The following SEMA3B variants were observed in gnomAD, a reference collection of about 807,000 sequenced individuals.
The protein encoded by SEMA3B is semaphorin-3B.
SEMA3B carries 71 observed loss-of-function variants against 77.8 expected under a neutral mutation model. The ratio of observed to expected loss-of-function variants is 0.91; its 90% CI spans 0.75 to 1.11. The LOEUF (loss-of-function observed/expected upper bound fraction) is 1.11. Among genes scored for constraint, SEMA3B ranks in the 50% most tolerant of loss-of-function variants. SEMA3B has a pLI of 0.00. For missense variants in SEMA3B, 968 were observed against 1,056.8 expected, an observed-to-expected ratio of 0.92 and a Z score of 1.17; for synonymous variants, 470 against 452.9, an observed-to-expected ratio of 1.04 and a Z score of -0.48.
In SEMA3B at chr3:50,276,591, C is replaced by T. The variant is rs1330906654; in HGVS notation, c.2135C>T (p.Pro712Leu). The T allele has an allele frequency of 2.0e-5, 32 of 1,568,760 alleles. No individual in the cohort carries two copies. The highest frequency in any genetic ancestry group is 2.5e-5 in the Non-Finnish European group (29 of 1,163,518). The change falls in exon 17 of 17, where the codon CCG (proline) becomes CTG (leucine). Residue 712 changes from proline to leucine, a missense_variant. Transcript: ENST00000616701. The surrounding 1 kb of genome is among the most constrained non-coding windows in gnomAD (Gnocchi z 5.8). ...GSANSLRMCR[P>L]QPALQSLPLE... ...GCGAACTCCCTGCGCATGTGCCGCC[C>T]GCAGCCTGCGCTGCAGTCACTGCCC...
chr3:50,264,220 A>AG (rs1700866450), upstream of SEMA3B, among the ~76,000 whole-genome samples: 1 of 151,956 alleles, frequency 6.6e-6, no homozygotes, highest in Non-Finnish European at 1.5e-5. Context: ...AAAAAAAAGA[A>AG]GAAAAAAAAA....
In SEMA3B at chr3:50,275,551, T is replaced by TC. The variant is rs1559790926; in HGVS notation, c.1650-5dup. The TC allele has an allele frequency of 1.2e-6, 2 of 1,613,666 alleles. No individual in the cohort carries two copies. Among genetic ancestry groups the TC allele is most frequent in the Non-Finnish European group, 1.7e-6 (2 of 1,179,866 alleles). Reference sequence around the variant, plus strand: ...GAAGGGCTCACAGAAGATCGGATGTTCCCCACAGGCGGTTCCGGCGGCAAG... The same window carrying TC: ...GAAGGGCTCACAGAAGATCGGATGTTCCCCCACAGGCGGTTCCGGCGGCAAG... On this transcript the variant is annotated splice_polypyrimidine_tract_variant and intron_variant, in intron 14 of 16. Transcript: ENST00000616701. The surrounding 1 kb of genome is among the most constrained non-coding windows in gnomAD (Gnocchi z 7.5).
chr3:50,273,872 C>T lies in SEMA3B; in HGVS notation c.993-41C>T. The T allele has an allele frequency of 6.4e-7, 1 of 1,571,518 alleles. No individual in the cohort carries two copies. On this transcript the variant is annotated intron_variant, in intron 9 of 16. Coordinates refer to ENST00000616701, the MANE Select transcript of SEMA3B (RefSeq NM_001290060.2). The surrounding 1 kb of genome is among the most constrained non-coding windows in gnomAD (Gnocchi z 6.5). ...GGAGCGCCCGGGGCGGGCCGCTGGG[C>T]TCCACCCGGCCCCTCACCTCGCCCT...
upstream of SEMA3B, chr3:50,267,465 C>T (rs188024255): frequency 7.7e-3 from 1,172 of 152,406 alleles, 8 homozygotes; most frequent in South Asian, 0.012. The surrounding 1 kb of genome is among the most constrained non-coding windows in gnomAD (Gnocchi z 5.7). Context: ...GGGGTCGTCC[C>T]TACCAGCCCC....
Position 50,274,602 on chromosome 3 carries a change from G to T in SEMA3B, c.1357+20G>T. The T allele has an allele frequency of 6.6e-7, 1 of 1,515,270 alleles. No homozygotes were observed. The highest frequency in any genetic ancestry group is 1.3e-5 in the South Asian group (1 of 75,212). 93.9% of individuals were successfully genotyped at this position (1,515,270 alleles called of 1,614,324 possible). On this transcript the variant is annotated intron_variant, in intron 11 of 16. Coordinates refer to ENST00000616701, the MANE Select transcript of SEMA3B (RefSeq NM_001290060.2). The surrounding 1 kb of genome is among the most constrained non-coding windows in gnomAD (Gnocchi z 4.7). ...GCACAGGTCAGGGTCCCTCCACAGCGACCCCCAGGCTCCCAGCCAGGCCCT... is the reference window on the plus strand; with the variant it reads ...GCACAGGTCAGGGTCCCTCCACAGCTACCCCCAGGCTCCCAGCCAGGCCCT...
chr3:50,276,172 C>A lies in SEMA3B; in HGVS notation c.1846-130C>A. 8.1e-7 allele frequency: 1 copy of A among 1,228,106 alleles called. No individual in the cohort carries two copies. The highest frequency in any genetic ancestry group is 1.1e-6 in the Non-Finnish European group (1 of 920,210). 76.1% of individuals were successfully genotyped at this position (1,228,106 alleles called of 1,614,324 possible). On this transcript the variant is annotated intron_variant, in intron 16 of 16. Transcript: ENST00000616701. The surrounding 1 kb of genome is among the most constrained non-coding windows in gnomAD (Gnocchi z 5.8). ...CCCAAACACTCAGCCTTAAAATGTG[C>A]GCCTGCGGGCACCCCTTTCCCGCTC... is the stretch of plus-strand genomic sequence containing the variant.
rs1404734306 is a variant in SEMA3B at position 50,275,108 on chromosome 3, G to A, written c.1491+55G>A. ...GATGGACTGAGCTTGTGCCTGGCGC[G>A]TCCCAAGCCTCTGGCCCCTTTTGGT... On this transcript the variant is annotated intron_variant, in intron 13 of 16. Coordinates refer to ENST00000616701, the MANE Select transcript of SEMA3B (RefSeq NM_001290060.2). This position sits in a 1 kb window ranked among gnomAD's most constrained non-coding sequence, Gnocchi z 7.5. The A allele has an allele frequency of 2.0e-6, 3 of 1,526,170 alleles. No individual in the cohort carries two copies. Among genetic ancestry groups the A allele is most frequent in the African/African-American group, 2.8e-5 (2 of 72,662 alleles). 94.5% of individuals were successfully genotyped at this position (1,526,170 alleles called of 1,614,324 possible).
rs587598543 is a variant in SEMA3B at position 50,276,963 on chromosome 3, G to A, written c.*257G>A. On this transcript the variant is annotated 3_prime_UTR_variant, in exon 17 of 17. Transcript: ENST00000616701. This position sits in a 1 kb window ranked among gnomAD's most constrained non-coding sequence, Gnocchi z 5.8. Reference sequence around the variant, plus strand: ...GCCGGAGGGAAGGGACGGGGAAGCCGAGCTCCAGAGCAACGACCAGGGCCG... The same window carrying A: ...GCCGGAGGGAAGGGACGGGGAAGCCAAGCTCCAGAGCAACGACCAGGGCCG... 210 of 457,574 alleles carry A rather than the reference G, an allele frequency of 4.6e-4. 1 individual carries two copies. The highest frequency in any genetic ancestry group is 5.8e-4 in the Non-Finnish European group (153 of 264,936). 28.3% of individuals were successfully genotyped at this position (457,574 alleles called of 1,614,324 possible).
At chr3:50,271,283 ACT>A (rs1368583691) in intron 5 of SEMA3B, 76 bp from the exon 6 acceptor site, 2 of 1,547,144 alleles carry the variant, frequency 1.3e-6, no homozygotes, top group Non-Finnish European at 1.7e-6. Flanking sequence ...CCATAACCTC[ACT>A]CACTCCCAGA....
Position 50,270,573 on chromosome 3 carries a change from G to A in SEMA3B, c.330+78G>A. The A allele has an allele frequency of 1.3e-6, 2 of 1,581,352 alleles. No individual in the cohort carries two copies. Among genetic ancestry groups the A allele is most frequent in the Non-Finnish European group, 1.7e-6 (2 of 1,156,122 alleles). On this transcript the variant is annotated intron_variant, in intron 3 of 16. Transcript: ENST00000616701. This position sits in a 1 kb window ranked among gnomAD's most constrained non-coding sequence, Gnocchi z 4.7. ...GAGACAGGGCAGGGCTAAAACAGAGGCCTGCCTGTTCTGGCTGGGATGAGG... is the reference window on the plus strand; with the variant it reads ...GAGACAGGGCAGGGCTAAAACAGAGACCTGCCTGTTCTGGCTGGGATGAGG...
upstream of SEMA3B, among the ~76,000 whole-genome samples, chr3:50,265,279 A>C (rs1306409777): frequency 6.6e-6 from 1 of 152,196 alleles, no homozygotes; most frequent in Non-Finnish European, 1.5e-5. Context: ...GGCCAGAACA[A>C]GGAAGAGTTG....
the SEMA3B span, chr3:50,261,849 T>C: frequency 6.6e-6 from 1 of 152,246 alleles, no homozygotes; most frequent in African/African-American, 2.4e-5. Flanking sequence ...TCCAGCTGCC[T>C]GGTCAGTGGC....
rs1553706625 is a variant in SEMA3B, at chr3:50,276,061, A to T, written c.1845+217A>T. 1.4e-6 allele frequency: 1 copy of T among 724,090 alleles called. No individual in the cohort carries two copies. The highest frequency in any genetic ancestry group is 2.1e-6 in the Non-Finnish European group (1 of 466,504). The allele number at this position is 724,090 out of a possible 1,614,324, so 44.9% of individuals were successfully genotyped here. On this transcript the variant is annotated intron_variant, in intron 16 of 16. Coordinates refer to ENST00000616701, the MANE Select transcript of SEMA3B (RefSeq NM_001290060.2). This position sits in a 1 kb window ranked among gnomAD's most constrained non-coding sequence, Gnocchi z 5.8. ...GAATCAAGGAGAAGACCCGCCCTCG[A>T]CCCTCCCATTAAGGTCCCTGACCAC...
chr3:50,276,490 G>A lies in SEMA3B; in HGVS notation c.2034G>A (p.Ala678=), dbSNP rs1330876282. ...GACTGGCGCGGGCCGAGGAGGCTGC[G>A]CCCGCCGCGCCGCCGGGCCCCAAAC... ...AERLARAEEA[A]PAAPPGPKLW... Residue 678 remains alanine (A), a synonymous_variant, in exon 17 of 17, where the codon GCG becomes GCA. Coordinates refer to ENST00000616701, the MANE Select transcript of SEMA3B (RefSeq NM_001290060.2). This position sits in a 1 kb window ranked among gnomAD's most constrained non-coding sequence, Gnocchi z 5.8. 4 of 1,529,188 alleles carry A rather than the reference G, an allele frequency of 2.6e-6. No homozygotes were observed. The African/African-American group carries it at 5.5e-5, about 21-fold the overall frequency. 94.7% of individuals were successfully genotyped at this position (1,529,188 alleles called of 1,614,324 possible). A position where few individuals can be genotyped will look rare whatever the true frequency, so the allele number is the denominator to read the frequency against.
Position 50,276,634 on chromosome 3 carries a change from G to A in SEMA3B, c.2178G>A (p.Lys726=), listed in dbSNP as rs1553706895. ...LQSLPLESRR[K]GRNRRTHAPE... is the part of the protein sequence containing the mutation. Reference sequence around the variant, plus strand: ...CACTGCCCCTGGAGTCGCGGAGAAAGGGCCGTAACCGGAGGACCCACGCCC... The same window carrying A: ...CACTGCCCCTGGAGTCGCGGAGAAAAGGCCGTAACCGGAGGACCCACGCCC... The change falls in exon 17 of 17, where the codon AAG becomes AAA. Residue 726 remains lysine, a synonymous_variant. Transcript: ENST00000616701. This position sits in a 1 kb window ranked among gnomAD's most constrained non-coding sequence, Gnocchi z 5.8. 2 of 1,594,964 alleles carry A rather than the reference G, an allele frequency of 1.3e-6. No individual in the cohort carries two copies. Among genetic ancestry groups the A allele is most frequent in the African/African-American group, 1.3e-5 (1 of 74,400 alleles).
chr3:50,275,285 C>A lies in SEMA3B; in HGVS notation c.1492-17C>A, dbSNP rs782540702. 3.2e-5 allele frequency: 49 copies of A among 1,530,938 alleles called. No individual in the cohort carries two copies. Among genetic ancestry groups the A allele is most frequent in the Non-Finnish European group, 4.2e-5 (48 of 1,137,078 alleles). The allele number at this position is 1,530,938 out of a possible 1,614,324, so 94.8% of individuals were successfully genotyped here. On this transcript the variant is annotated splice_polypyrimidine_tract_variant and intron_variant, in intron 13 of 16. Transcript: ENST00000616701. This position sits in a 1 kb window ranked among gnomAD's most constrained non-coding sequence, Gnocchi z 7.5. ...GGGGTCGCCCTCGGTCAGCCCAGAG[C>A]CCCTCGTGCCCCCTAGCACCAGCTG...
Position 50,273,067 on chromosome 3 carries a change from G to C in SEMA3B, c.665-231G>C, listed in dbSNP as rs1318442536. ...GCCGGGCTTCACGCCTGCGCCCCCA[G>C]GTAGCCACGGTCTCTGCTGCCCCCT... is the stretch of plus-strand genomic sequence containing the variant. On this transcript the variant is annotated intron_variant, in intron 6 of 16. Transcript: ENST00000616701. The surrounding 1 kb of genome is among the most constrained non-coding windows in gnomAD (Gnocchi z 6.5). 3 of 581,242 alleles carry C rather than the reference G, an allele frequency of 5.2e-6. No individual in the cohort carries two copies. The highest frequency in any genetic ancestry group is 8.6e-6 in the Non-Finnish European group (3 of 347,906). The allele number at this position is 581,242 out of a possible 1,614,324, so 36.0% of individuals were successfully genotyped here. A position where few individuals can be genotyped will look rare whatever the true frequency, so the allele number is the denominator to read the frequency against.
chr3:50,275,871 A>G lies in SEMA3B; in HGVS notation c.1845+27A>G. 6.4e-7 allele frequency: 1 copy of G among 1,554,066 alleles called. No individual in the cohort carries two copies. The highest frequency in any genetic ancestry group is 8.7e-7 in the Non-Finnish European group (1 of 1,155,820). ...TGAGCCTTACTCCGCCCTCCCCGCC[A>G]GGCTCCTGTCCCACCCCCTGCATCC... On this transcript the variant is annotated intron_variant, in intron 16 of 16. Coordinates refer to ENST00000616701, the MANE Select transcript of SEMA3B (RefSeq NM_001290060.2). The surrounding 1 kb of genome is among the most constrained non-coding windows in gnomAD (Gnocchi z 7.5).
In SEMA3B at chr3:50,273,740, C is replaced by G. The variant is rs781934883; in HGVS notation, c.923-19C>G. 1.2e-6 allele frequency: 2 copies of G among 1,604,944 alleles called. No homozygotes were observed. Among genetic ancestry groups the G allele is most frequent in the South Asian group, 2.2e-5 (2 of 90,852 alleles). On this transcript the variant is annotated intron_variant, in intron 8 of 16. Transcript: ENST00000616701. The surrounding 1 kb of genome is among the most constrained non-coding windows in gnomAD (Gnocchi z 6.5). ...AGCGGGGCTGTGCGCCCTACCCCAGCTAGGCCCCTTCCCCGCAGAGGATGT... is the reference window on the plus strand; with the variant it reads ...AGCGGGGCTGTGCGCCCTACCCCAGGTAGGCCCCTTCCCCGCAGAGGATGT...
Sources: gnomAD v4.1 joint callset for allele counts (sites outside exome capture counted in the v4.1 genomes callset) on GRCh38, gnomAD v4.1.1 for gene constraint, Gnocchi (gnomAD v3.1) non-coding constraint, MANE v1.5 for transcripts, NCBI Gene and HGNC (gene_info 2026-07-23, HGNC 2026-07-21) for gene names.